The following FRYL variants were observed in gnomAD, a reference collection of about 807,000 sequenced individuals.
FRYL encodes FRY like transcription coactivator.
A neutral mutation model predicts 351.2 loss-of-function variants in FRYL; 150 were observed. The ratio of observed to expected loss-of-function variants is 0.43; its 90% CI spans 0.37 to 0.49. The LOEUF is 0.49. Among genes scored for constraint, FRYL ranks in the 20% least tolerant of loss-of-function variants. The pLI, the probability that FRYL is intolerant of heterozygous loss-of-function variation, is 0.00. For missense variants in FRYL, 3,036 were observed against 3,619.3 expected, an observed-to-expected ratio of 0.84 and a Z score of 4.13; for synonymous variants, 1,153 against 1,257.1, an observed-to-expected ratio of 0.92 and a Z score of 1.75.
At chr4:48,624,864 C>A (rs1028283911) in intron 4 of FRYL, among the ~76,000 whole-genome samples, 1 of 152,174 alleles carries the variant, frequency 6.6e-6, no homozygotes, top group Non-Finnish European at 1.5e-5. Context: ...AAAGAGGTGA[C>A]CTTCCCATAA....
intron 60 of FRYL, among the ~76,000 whole-genome samples, chr4:48,504,018 T>C (rs186670991): frequency 4.6e-5 from 7 of 152,266 alleles, no homozygotes; most frequent in Admixed American, 1.3e-4. Flanking sequence ...GCTGATAAAG[T>C]TTATGATCGT....
rs1737141776 is a variant in FRYL, at chr4:48,567,852, C to G, written c.2997-432G>C. Among the ~76,000 whole-genome samples, 1 of 152,206 alleles carries G rather than the reference C, an allele frequency of 6.6e-6. No individual in the cohort carries two copies. The highest frequency in any genetic ancestry group is 2.1e-4 in the South Asian group (1 of 4,828). ...AGCATAATTAAATATCTATTAGTCA[C>G]TTAGTAACATTCTGGGATAGGTATT... On this transcript the variant is annotated intron_variant, in intron 27 of 63. Transcript: ENST00000358350. This position sits in a 1 kb window ranked among gnomAD's most constrained non-coding sequence, Gnocchi z 4.2.
At chr4:48,627,512 A>G (rs1417977383) in intron 4 of FRYL, among the ~76,000 whole-genome samples, 1 of 152,184 alleles carries the variant, frequency 6.6e-6, no homozygotes, top group Non-Finnish European at 1.5e-5. Context: ...AGATTTCTGA[A>G]GATTTGACAT....
At chr4:48,595,734 A>G (rs1231618347) in intron 14 of FRYL, 36 bp from the exon 15 acceptor site, 1 of 1,391,090 alleles carries the variant, frequency 7.2e-7, no homozygotes, top group Non-Finnish European at 1.0e-6. Context: ...GTGAGATCAT[A>G]ACATCAACAG....
intron 3 of FRYL, among the ~76,000 whole-genome samples, chr4:48,657,598 A>G (rs1759519317): frequency 6.6e-6 from 1 of 152,146 alleles, no homozygotes; most frequent in South Asian, 2.1e-4. Flanking sequence ...AATTCTCCAA[A>G]TTGTATCACA....
At chr4:48,509,832 G>A (rs1453784777) in intron 59 of FRYL, among the ~76,000 whole-genome samples, 1 of 152,162 alleles carries the variant, frequency 6.6e-6, no homozygotes, top group Admixed American at 6.6e-5. Flanking sequence ...CCACAAAGAA[G>A]CTTTTTACAA....
Position 48,512,501 on chromosome 4 carries a change from C to T in FRYL, c.8125G>A (p.Val2709Met). The T allele has an allele frequency of 4.3e-6, 7 of 1,613,606 alleles. No individual in the cohort carries two copies. The highest frequency in any genetic ancestry group is 5.9e-6 in the Non-Finnish European group (7 of 1,179,578). Residue 2709 changes from valine to methionine, a missense_variant, in exon 57 of 64, where the codon GTG becomes ATG. By Grantham distance (21) the Val-to-Met change is conservative. This residue lies in a region of FRYL where 1,987 missense variants were observed against 2,311.7 expected (regional missense o/e 0.86). Transcript: ENST00000358350. ...CTGACCTGAAACAGCCTAGAAAACA[C>T]ATGAAAAGTAAACACTGCAGAGGAC... Reference protein sequence around the residue: ...DGSSAVFTFHVFSRLFQTIQR... With the variant: ...DGSSAVFTFHMFSRLFQTIQR...
intron 2 of FRYL, among the ~76,000 whole-genome samples, chr4:48,710,211 G>GA (rs1767852266): frequency 6.6e-6 from 1 of 152,180 alleles, no homozygotes; most frequent in African/African-American, 2.4e-5. Context: ...CAAATGGGCT[G>GA]AAAATCCCTA....
intron 55 of FRYL, among the ~76,000 whole-genome samples, chr4:48,517,273 T>A (rs1723841247): frequency 6.6e-6 from 1 of 152,236 alleles, no homozygotes; most frequent in Non-Finnish European, 1.5e-5. Flanking sequence ...ATGAACATAC[T>A]ATGTTATCTC....
Position 48,620,665 on chromosome 4 carries a change from C to G in FRYL, c.288G>C (p.Arg96Ser). ...CCTTAGACTTTGTGCTAGACCGAGG[C>G]CTATATTCATAAGATTCATCTTCCG... ...NGTEDESYEYRPRSSTKSKGD... is the reference protein window; with the variant it reads ...NGTEDESYEYSPRSSTKSKGD... Residue 96 changes from arginine to serine, a missense_variant, in exon 6 of 64, where the codon AGG becomes AGC. Physicochemically the swap from Arg to Ser is moderately radical, Grantham distance 110 (BLOSUM62 -1). Transcript: ENST00000358350. 1 of 1,613,746 alleles carries G rather than the reference C, an allele frequency of 6.2e-7. No homozygotes were observed. Among genetic ancestry groups the G allele is most frequent in the Non-Finnish European group, 8.5e-7 (1 of 1,179,746 alleles).
rs147664240 is a variant in FRYL, at chr4:48,670,209, G to A, written c.-81+14464C>T. Among the ~76,000 whole-genome samples, 462 of 152,002 alleles carry A rather than the reference G, an allele frequency of 3.0e-3. 1 individual carries two copies. Among genetic ancestry groups the A allele is most frequent in the African/African-American group, 0.011 (441 of 41,486 alleles). ...AGCACTTTGGAAGGCTGAGGTGGGT[G>A]GATCACTTGAGGTCAGGAGTTTGAG... On this transcript the variant is annotated intron_variant, in intron 3 of 63. Coordinates refer to ENST00000358350, the MANE Select transcript of FRYL (RefSeq NM_015030.2).
chr4:48,697,315 A>G (rs929427025), intron 2 of FRYL, among the ~76,000 whole-genome samples: 9 of 152,164 alleles, frequency 5.9e-5, no homozygotes, highest in Admixed American at 3.9e-4. Flanking sequence ...CTAGAATTTT[A>G]CCAAAATTAA....
rs201271566 is a variant in FRYL, at chr4:48,543,992, T to C, written c.5407A>G (p.Ile1803Val). 1.2e-6 allele frequency: 2 copies of C among 1,613,292 alleles called. No individual in the cohort carries two copies. Among genetic ancestry groups the C allele is most frequent in the Non-Finnish European group, 1.7e-6 (2 of 1,179,518 alleles). Reference sequence around the variant, plus strand: ...TCACTAAGATGATGTTCCAGATGAATTCCTTCTGTGAATGCAAAGGAAACG... The same window carrying C: ...TCACTAAGATGATGTTCCAGATGAACTCCTTCTGTGAATGCAAAGGAAACG... ...SVFKQSSSEG[I>V]HLEHHLSEVA... The change falls in exon 44 of 64, where the codon ATT (isoleucine) becomes GTT (valine). Residue 1803 changes from isoleucine to valine, a missense_variant. By Grantham distance (29) the Ile-to-Val change is conservative. Transcript: ENST00000358350.
intron 3 of FRYL, among the ~76,000 whole-genome samples, chr4:48,671,260 C>A (rs985700029): frequency 5.3e-5 from 8 of 151,876 alleles, no homozygotes; most frequent in African/African-American, 1.9e-4. Context: ...ATAAAAATAC[C>A]CAACAAAAAC....
chr4:48,683,690 T>C (rs1234522955), intron 3 of FRYL, among the ~76,000 whole-genome samples: 1 of 152,174 alleles, frequency 6.6e-6, no homozygotes, highest in Non-Finnish European at 1.5e-5. Flanking sequence ...GAAGCAGGTA[T>C]AGATTCAACA....
chr4:48,538,858 T>G (rs1161974982), intron 47 of FRYL, among the ~76,000 whole-genome samples: 1 of 152,136 alleles, frequency 6.6e-6, no homozygotes, highest in African/African-American at 2.4e-5. Flanking sequence ...CTGTTTATAT[T>G]TTCAGTCTGA....
At chr4:48,626,264 GTA>G (rs1236313423) in intron 4 of FRYL, among the ~76,000 whole-genome samples, 6 of 151,948 alleles carry the variant, frequency 3.9e-5, no homozygotes, top group East Asian at 3.8e-4. Context: ...GTGTGTGTGT[GTA>G]TATGTGTATA....
chr4:48,776,530 G>A (rs1356049335), intron 1 of FRYL, among the ~76,000 whole-genome samples: 1 of 152,136 alleles, frequency 6.6e-6, no homozygotes, highest in African/African-American at 2.4e-5. Context: ...GTTAATTTTA[G>A]CAAACTCCAC....
chr4:48,773,834 T>C (rs1410808300), intron 1 of FRYL, among the ~76,000 whole-genome samples: 1 of 152,172 alleles, frequency 6.6e-6, no homozygotes, highest in Non-Finnish European at 1.5e-5. Flanking sequence ...AGAGGATCAC[T>C]TGAGCCCAGC....
Sources: gnomAD v4.1 joint callset for allele counts (sites outside exome capture counted in the v4.1 genomes callset) on GRCh38, gnomAD v4.1.1 for gene constraint, gnomAD v4.1.1 regional missense constraint, Gnocchi (gnomAD v3.1) non-coding constraint, MANE v1.5 for transcripts, NCBI Gene and HGNC (gene_info 2026-07-23, HGNC 2026-07-21) for gene names.